Variants in MAP3K6 observed in about 807,000 individuals in gnomAD.
MAP3K6 encodes mitogen-activated protein kinase kinase kinase 6, also known as apoptosis signal-regulating kinase 2.
In MAP3K6, 105 loss-of-function variants were observed where a neutral mutation model predicts 147.1. The observed-to-expected ratio is 0.71, with a 90% confidence interval of 0.61 to 0.84. The LOEUF is 0.84. Among genes scored for constraint, MAP3K6 ranks in the 40% least tolerant of loss-of-function variants. The pLI is 0.00. For missense variants in MAP3K6, 1,569 were observed against 1,715.0 expected (o/e 0.91, Z 1.50); for synonymous variants, 695 against 732.4 (o/e 0.95, Z 0.82).
intron 8 of MAP3K6, 103 bp from the exon 9 acceptor site, chr1:27,362,353 T>C: frequency 1.7e-6 from 2 of 1,209,252 alleles, no homozygotes; most frequent in Non-Finnish European, 2.3e-6. Context: ...GATATGAGTA[T>C]GGCATTGAGT....
Position 27,362,836 on chromosome 1 carries a change from C to T in MAP3K6, c.1142+15G>A. ...CTCACAGCTTAGCCCACCGGCCACT[C>T]ACTGTGCTCTTTACCAGTGATAGGC... is the stretch of plus-strand genomic sequence containing the variant. On this transcript the variant is annotated intron_variant, in intron 7 of 28. Transcript: ENST00000357582. 5 of 1,613,322 alleles carry T rather than the reference C, an allele frequency of 3.1e-6. No individual in the cohort carries two copies. The highest frequency in any genetic ancestry group is 4.2e-6 in the Non-Finnish European group (5 of 1,179,606).
In MAP3K6 at chr1:27,357,121, G is replaced by T. The variant is rs552464579; in HGVS notation, c.3259-7C>A. The T allele has an allele frequency of 1.9e-6, 3 of 1,611,158 alleles. No individual in the cohort carries two copies. Among genetic ancestry groups the T allele is most frequent in the Admixed American group, 3.3e-5 (2 of 60,016 alleles). ...TGCGGAGGATCTGCTTCACCTGCAG[G>T]GGGAGGGAGGCGCCGCTGAGACAGC... is the stretch of plus-strand genomic sequence containing the variant. On this transcript the variant is annotated splice_region_variant and splice_polypyrimidine_tract_variant and intron_variant, in intron 23 of 28. Transcript: ENST00000357582.
Position 27,361,335 on chromosome 1 carries a change from C to T in MAP3K6, c.1736+11G>A. 1.2e-6 allele frequency: 2 copies of T among 1,613,960 alleles called. No homozygotes were observed. Among genetic ancestry groups the T allele is most frequent in the Non-Finnish European group, 1.7e-6 (2 of 1,179,956 alleles). ...CCCGTCTTTCCAGTCACCCCAGGTC[C>T]CGCCTATCACCTGACTCCGCATATG... On this transcript the variant is annotated intron_variant, in intron 12 of 28. Transcript: ENST00000357582.
Position 27,357,372 on chromosome 1 carries a change from AG to A in MAP3K6, c.3258+27del, listed in dbSNP as rs763759287. 5.7e-6 allele frequency: 9 copies of A among 1,576,072 alleles called. No individual in the cohort carries two copies. In the South Asian group the frequency reaches 5.7e-5, roughly 10 times the overall value. ...GGGAACTCACTACCTGTTGTTGGGC[AG>A]CTCTAACTACCAGAAGGCGCCCTCA... On this transcript the variant is annotated intron_variant, in intron 23 of 28. Coordinates refer to ENST00000357582, the MANE Select transcript of MAP3K6 (RefSeq NM_004672.5).
chr1:27,357,067 G>A lies in MAP3K6; in HGVS notation c.3306C>T (p.Phe1102=), dbSNP rs752156772. 1.1e-5 allele frequency: 17 copies of A among 1,614,056 alleles called. No homozygotes were observed. The highest frequency in any genetic ancestry group is 6.7e-5 in the Admixed American group (4 of 60,024). ...RKRQIRPHWM[F]VLDSLLSRAV... ...CACGGCTGAGCAGTGAGTCCAGAACGAACATCCAGTGTGGACGGATCTGGC... is the reference window on the plus strand; with the variant it reads ...CACGGCTGAGCAGTGAGTCCAGAACAAACATCCAGTGTGGACGGATCTGGC... The change falls in exon 24 of 29, where the codon TTC becomes TTT. Residue 1102 remains phenylalanine (F), a synonymous_variant. Coordinates refer to ENST00000357582, the MANE Select transcript of MAP3K6 (RefSeq NM_004672.5).
At position 27,361,153 on chromosome 1, in the gene MAP3K6, G is replaced by A. The variant is rs377486460; in HGVS notation, c.1832+4C>T. 9.4e-5 allele frequency: 151 copies of A among 1,604,988 alleles called. No individual in the cohort carries two copies. Among genetic ancestry groups the A allele is most frequent in the Admixed American group, 1.9e-4 (11 of 58,378 alleles). On this transcript the variant is annotated splice_donor_region_variant and intron_variant, in intron 13 of 28. Transcript: ENST00000357582. ...GAGTACCCCGACCATGAAAGGCTGC[G>A]CACCACTGGCAGTGCCCTACGCTGG... is the stretch of plus-strand genomic sequence containing the variant.
At position 27,361,800 on chromosome 1, in the gene MAP3K6, C is replaced by T; in HGVS notation, c.1483G>A (p.Gly495Arg). 1.9e-6 allele frequency: 3 copies of T among 1,609,862 alleles called. No homozygotes were observed. The highest frequency in any genetic ancestry group is 2.5e-6 in the Non-Finnish European group (3 of 1,177,920). Residue 495 changes from glycine (G) to arginine (R), a missense_variant, in exon 10 of 29, where the codon GGA becomes AGA. Coordinates refer to ENST00000357582, the MANE Select transcript of MAP3K6 (RefSeq NM_004672.5). ...QHFRPTPEPP[G>R]GPPRRAHFWL... ...AAGTGGGCACGGCGTGGTGGCCCTC[C>T]AGGGGGCTCTGGCGTGGGCCTGAAG...
chr1:27,362,044 G>A (rs1249438856), intron 9 of MAP3K6, 47 bp downstream of exon 9: 1 of 1,573,842 alleles, frequency 6.4e-7, no homozygotes, highest in Non-Finnish European at 8.6e-7. Flanking sequence ...ATAGGTGCAG[G>A]AGCTGACAGC....
At position 27,356,090 on chromosome 1, in the gene MAP3K6, G is replaced by C; in HGVS notation, c.3647C>G (p.Ser1216Ter). The change falls in exon 27 of 29, where the codon TCA becomes TGA. Residue 1216 changes from serine to a stop codon, truncating the protein, a stop_gained. Transcript: ENST00000357582. LOFTEE classifies it high-confidence loss of function. The stretch of plus-strand genomic sequence containing the variant: ...CCACTGCACCAGGCCCTGGTCCGTT[G>C]AAAGAGCAGCTGTCAAGAAGCAGTC... ...VLAPEPPTAL[S>*]TDQGLVQWLQ... 6.2e-7 allele frequency: 1 copy of C among 1,614,032 alleles called. No homozygotes were observed. The highest frequency in any genetic ancestry group is 8.5e-7 in the Non-Finnish European group (1 of 1,179,956).
chr1:27,359,920 G>A lies in MAP3K6; in HGVS notation c.2257C>T (p.Arg753Cys), dbSNP rs766258996. Residue 753 changes from arginine to cysteine, a missense_variant, in exon 17 of 29, where the codon CGC (arginine) becomes TGC (cysteine). By Grantham distance (180) the Arg-to-Cys change is radical. Transcript: ENST00000357582. The surrounding 1 kb of genome is among the most constrained non-coding windows in gnomAD (Gnocchi z 4.4). Reference sequence around the variant, plus strand: ...TAGCCAAGTCCCTGCAGGATCTGGCGGGTGTAGAAACTGATGGTGCTCTCG... The same window carrying A: ...TAGCCAAGTCCCTGCAGGATCTGGCAGGTGTAGAAACTGATGGTGCTCTCG... ...DNESTISFYT[R>C]QILQGLGYLH... 8 of 1,614,014 alleles carry A rather than the reference G, an allele frequency of 5.0e-6. No homozygotes were observed. In the South Asian group the frequency reaches 5.5e-5, roughly 11 times the overall value.
At chr1:27,357,140 A>G in intron 23 of MAP3K6, 26 bp from the exon 24 acceptor site, 1 of 1,586,132 alleles carries the variant, frequency 6.3e-7, no homozygotes, top group Non-Finnish European at 8.7e-7. Context: ...GGCGCCGCTG[A>G]GACAGCTGAG....
chr1:27,356,338 G>C, intron 26 of MAP3K6, 50 bp downstream of exon 26: 1 of 1,506,612 alleles, frequency 6.6e-7, no homozygotes, highest in Admixed American at 2.1e-5. Flanking sequence ...CCTTGTGCTA[G>C]AAGCTGCCTT....
Position 27,357,693 on chromosome 1 carries a change from C to A in MAP3K6, c.3081+18G>T, listed in dbSNP as rs1299834127. On this transcript the variant is annotated intron_variant, in intron 22 of 28. Transcript: ENST00000357582. Reference sequence around the variant, plus strand: ...GACCCTTTGCGACCACCAGGGGGCGCTAGAGTGGGCCGCCCACCTGCTCTT... The same window carrying A: ...GACCCTTTGCGACCACCAGGGGGCGATAGAGTGGGCCGCCCACCTGCTCTT... The A allele has an allele frequency of 1.2e-6, 2 of 1,607,974 alleles. No homozygotes were observed. The highest frequency in any genetic ancestry group is 1.7e-5 in the Admixed American group (1 of 59,902).
chr1:27,363,919 G>A lies in MAP3K6; in HGVS notation c.862C>T (p.Gln288Ter), dbSNP rs1362266840. 6.3e-7 allele frequency: 1 copy of A among 1,588,668 alleles called. No homozygotes were observed. Among genetic ancestry groups the A allele is most frequent in the Non-Finnish European group, 8.6e-7 (1 of 1,168,558 alleles). ...MNLLLSYRDV[Q>*]DYSAIIELVE... ...CTGCCTCTCTGAACACCACGCACCTGCACATCGCGGTAGGAGAGCAGCAAG... is the reference window on the plus strand; with the variant it reads ...CTGCCTCTCTGAACACCACGCACCTACACATCGCGGTAGGAGAGCAGCAAG... The change falls in exon 5 of 29, where the codon CAG becomes TAG. Residue 288 changes from glutamine (Q) to a stop codon, truncating the protein, a stop_gained and splice_region_variant. Coordinates refer to ENST00000357582, the MANE Select transcript of MAP3K6 (RefSeq NM_004672.5). LOFTEE classifies it high-confidence loss of function.
rs373435230 is a variant in MAP3K6 at position 27,364,035 on chromosome 1, C to A, written c.746G>T (p.Arg249Leu). The A allele has an allele frequency of 1.2e-6, 2 of 1,612,646 alleles. No homozygotes were observed. Among genetic ancestry groups the A allele is most frequent in the South Asian group, 1.1e-5 (1 of 91,060 alleles). ...IRRDIRQARERFSGPQLRQEL... is the reference protein window; with the variant it reads ...IRRDIRQARELFSGPQLRQEL... Reference sequence around the variant, plus strand: ...CTGCCGCAGCTGTGGCCCACTGAACCGCTCCCGCGCCTGCCGGATGTCCCG... The same window carrying A: ...CTGCCGCAGCTGTGGCCCACTGAACAGCTCCCGCGCCTGCCGGATGTCCCG... The change falls in exon 5 of 29, where the codon CGG (arginine) becomes CTG (leucine). Residue 249 changes from arginine (R) to leucine (L), a missense_variant. Transcript: ENST00000357582. This position sits in a 1 kb window ranked among gnomAD's most constrained non-coding sequence, Gnocchi z 4.4.
chr1:27,363,281 C>G (rs990230805), intron 6 of MAP3K6, among the ~76,000 whole-genome samples, 161 bp downstream of exon 6: 3 of 151,948 alleles, frequency 2.0e-5, no homozygotes, highest in Non-Finnish European at 2.9e-5. Context: ...CCGACCCAGG[C>G]AGCAGTAACT....
Position 27,358,604 on chromosome 1 carries a change from A to C in MAP3K6, c.2591T>G (p.Met864Arg), listed in dbSNP as rs1478053330. The change falls in exon 20 of 29, where the codon ATG (methionine) becomes AGG (arginine). Residue 864 changes from methionine to arginine, a missense_variant. Met to Arg is a moderately conservative substitution (Grantham distance 91, BLOSUM62 -1). Coordinates refer to ENST00000357582, the MANE Select transcript of MAP3K6 (RefSeq NM_004672.5). The surrounding 1 kb of genome is among the most constrained non-coding windows in gnomAD (Gnocchi z 6.2). ...SPQAAMFQVG[M>R]YKVHPPMPSS... is the part of the protein sequence containing the mutation. ...GGGCATTGGCGGATGGACCTTGTAC[A>C]TACCCACCTGTGGGGGGAGGGTGAA... is the stretch of plus-strand genomic sequence containing the variant. 6.8e-6 allele frequency: 11 copies of C among 1,613,604 alleles called. No homozygotes were observed. The highest frequency in any genetic ancestry group is 3.3e-4 in the Middle Eastern group (2 of 6,058).
chr1:27,358,370 C>T lies in MAP3K6; in HGVS notation c.2776+49G>A. 1.3e-6 allele frequency: 2 copies of T among 1,589,568 alleles called. No homozygotes were observed. Among genetic ancestry groups the T allele is most frequent in the Non-Finnish European group, 8.5e-7 (1 of 1,173,318 alleles). On this transcript the variant is annotated intron_variant, in intron 20 of 28. Coordinates refer to ENST00000357582, the MANE Select transcript of MAP3K6 (RefSeq NM_004672.5). The surrounding 1 kb of genome is among the most constrained non-coding windows in gnomAD (Gnocchi z 6.2). ...TGGGCTCTCCTCCACCCTCACAGCT[C>T]CACAACTCCTCTGCCCTCCACTGTG... is the stretch of plus-strand genomic sequence containing the variant.
chr1:27,362,433 C>T (rs547489120), intron 8 of MAP3K6, among the ~76,000 whole-genome samples, 183 bp from the exon 9 acceptor site: 81 of 152,230 alleles, frequency 5.3e-4, no homozygotes, highest in Admixed American at 1.4e-3. Flanking sequence ...GTAATGGACA[C>T]GCAGATGTGA....
Sources: gnomAD v4.1 joint callset for allele counts (sites outside exome capture counted in the v4.1 genomes callset) on GRCh38, gnomAD v4.1.1 for gene constraint, Gnocchi (gnomAD v3.1) non-coding constraint, MANE v1.5 for transcripts, NCBI Gene and HGNC (gene_info 2026-07-23, HGNC 2026-07-21) for gene names.